The following GPC5 variants were observed in gnomAD, a reference collection of about 807,000 sequenced individuals.
GPC5 encodes the protein glypican 5.
In GPC5, 47 loss-of-function variants were observed where a neutral mutation model predicts 53.9. The ratio of observed to expected loss-of-function variants is 0.87; its 90% confidence interval spans 0.69 to 1.11. The LOEUF (loss-of-function observed/expected upper bound fraction) is 1.11, where lower values mean the gene tolerates loss of function less well. GPC5 is among the 50% of genes most tolerant of loss of function. GPC5 has a pLI of 0.00. For synonymous variants in GPC5, 286 were observed against 263.3 expected, an observed-to-expected ratio of 1.09 and a Z score of -0.84; for missense variants, 748 against 713.1, an observed-to-expected ratio of 1.05 and a Z score of -0.56.
chr13:91,844,829 G>A lies in GPC5; in HGVS notation c.1281-63108G>A, dbSNP rs568404746. Among the ~76,000 whole-genome samples, 8 of 152,092 alleles carry A rather than the reference G, an allele frequency of 5.3e-5. No individual in the cohort carries two copies. In the East Asian group the frequency reaches 7.7e-4, roughly 15 times the overall value. On this transcript the variant is annotated intron_variant, in intron 5 of 7. Transcript: ENST00000377067. ...CAACCTCCACCTCCCAGGTTCAAGC[G>A]ATTCTCCTTTCTCTGCCTCCTGAGT...
At chr13:92,206,486 G>A (rs1278662995) in intron 7 of GPC5, among the ~76,000 whole-genome samples, 1 of 151,772 alleles carries the variant, frequency 6.6e-6, no homozygotes, top group East Asian at 2.0e-4. Context: ...GCACCCGGCT[G>A]TCATGCCATG....
intron 6 of GPC5, among the ~76,000 whole-genome samples, chr13:92,116,341 T>C (rs1478983898): frequency 6.6e-6 from 1 of 152,036 alleles, no homozygotes; most frequent in Non-Finnish European, 1.5e-5. Flanking sequence ...GAAGAGGCCA[T>C]CTATAAGTCA....
At chr13:92,702,363 C>T (rs961168090) in intron 7 of GPC5, among the ~76,000 whole-genome samples, 13 of 152,114 alleles carry the variant, frequency 8.5e-5, no homozygotes, top group African/African-American at 3.1e-4. Context: ...AATGTCTAAA[C>T]AGCATCTTAA....
chr13:91,496,541 G>T (rs184803279), intron 2 of GPC5, among the ~76,000 whole-genome samples: 11 of 152,190 alleles, frequency 7.2e-5, no homozygotes, highest in South Asian at 4.1e-4. Flanking sequence ...GACAAACTTC[G>T]CATTTCCTCA....
At chr13:92,613,328 A>G (rs1297207560) in intron 7 of GPC5, among the ~76,000 whole-genome samples, 1 of 104,338 alleles carries the variant, frequency 9.6e-6, no homozygotes, top group East Asian at 2.3e-4. Flanking sequence ...AAATATTTAT[A>G]TAATATAATA....
intron 5 of GPC5, among the ~76,000 whole-genome samples, chr13:91,803,498 A>G (rs896954216): frequency 6.6e-6 from 1 of 152,118 alleles, no homozygotes; most frequent in African/African-American, 2.4e-5. Context: ...GGTTTATGAT[A>G]TGAATGTTAT....
chr13:92,125,227 C>T (rs2041685209), intron 6 of GPC5, among the ~76,000 whole-genome samples: 1 of 152,168 alleles, frequency 6.6e-6, no homozygotes, highest in African/African-American at 2.4e-5. Context: ...AATTCCCTGT[C>T]TAGCCTTAAG....
intron 7 of GPC5, among the ~76,000 whole-genome samples, chr13:92,775,406 A>C (rs969019493): frequency 1.3e-5 from 2 of 152,214 alleles, no homozygotes; most frequent in African/African-American, 4.8e-5. Context: ...TTTTGCTTCA[A>C]ATATGCCAGT....
intron 7 of GPC5, among the ~76,000 whole-genome samples, chr13:92,219,449 C>G (rs2042433448): frequency 6.6e-6 from 1 of 152,110 alleles, no homozygotes; most frequent in Non-Finnish European, 1.5e-5. Context: ...GGCAGGGAAG[C>G]TAAGGCCGAT....
chr13:92,179,582 T>A (rs925454004), intron 7 of GPC5, among the ~76,000 whole-genome samples: 2 of 152,208 alleles, frequency 1.3e-5, no homozygotes, highest in African/African-American at 4.8e-5. Flanking sequence ...CACCTAGAAT[T>A]CTCTCATCAA....
chr13:92,742,379 T>A (rs1289723690), intron 7 of GPC5, among the ~76,000 whole-genome samples: 1 of 152,208 alleles, frequency 6.6e-6, no homozygotes, highest in Non-Finnish European at 1.5e-5. Context: ...TGCATAAATG[T>A]CTTCTTTTGA....
chr13:91,925,442 T>G (rs2039757643), intron 6 of GPC5, among the ~76,000 whole-genome samples: 1 of 152,160 alleles, frequency 6.6e-6, no homozygotes, highest in Admixed American at 6.5e-5. Flanking sequence ...ATCCTTCCAT[T>G]AATTCAGTGA....
chr13:91,701,346 A>G (rs1051857962), intron 3 of GPC5, among the ~76,000 whole-genome samples: 19 of 152,034 alleles, frequency 1.2e-4, no homozygotes, highest in Non-Finnish European at 2.1e-4. Flanking sequence ...TTTGACAAAC[A>G]TGTCCTCAGC....
chr13:91,784,787 G>A (rs2037853300), intron 5 of GPC5, among the ~76,000 whole-genome samples: 1 of 151,550 alleles, frequency 6.6e-6, no homozygotes. Flanking sequence ...ACTATGCCAT[G>A]GTTATAGCCA....
chr13:92,777,727 C>G (rs1479110342), intron 7 of GPC5, among the ~76,000 whole-genome samples: 5 of 152,196 alleles, frequency 3.3e-5, no homozygotes, highest in Non-Finnish European at 7.3e-5. Flanking sequence ...TTCCCTGATG[C>G]CCTGGGCATG....
chr13:92,767,467 C>T (rs1211971699), intron 7 of GPC5, among the ~76,000 whole-genome samples: 2 of 150,800 alleles, frequency 1.3e-5, no homozygotes, highest in Admixed American at 6.6e-5. Flanking sequence ...CAAGACTGTC[C>T]AAAAAAAAGA....
chr13:92,833,623 C>A (rs1295851513), intron 7 of GPC5, among the ~76,000 whole-genome samples: 1 of 152,146 alleles, frequency 6.6e-6, no homozygotes, highest in Non-Finnish European at 1.5e-5. Context: ...GATACAGATA[C>A]TATTCACATT....
At chr13:92,680,352 C>T (rs1323252701) in intron 7 of GPC5, among the ~76,000 whole-genome samples, 1 of 152,188 alleles carries the variant, frequency 6.6e-6, no homozygotes. Context: ...ACAGCTTCAA[C>T]TCTTTTCAAC....
intron 7 of GPC5, among the ~76,000 whole-genome samples, chr13:92,655,802 T>C (rs1886114545): frequency 6.6e-6 from 1 of 152,166 alleles, no homozygotes. Flanking sequence ...GTAACTCTCA[T>C]AGTAGCCTAA....
Sources: gnomAD v4.1 joint callset for allele counts (sites outside exome capture counted in the v4.1 genomes callset) on GRCh38, gnomAD v4.1.1 for gene constraint, MANE v1.5 for transcripts, NCBI Gene and HGNC (gene_info 2026-07-23, HGNC 2026-07-21) for gene names.